Variants in RCL1 observed in about 807,000 individuals in gnomAD.
The protein encoded by RCL1 is RNA 3'-terminal phosphate cyclase-like protein.
A neutral mutation model predicts 42.4 loss-of-function variants in RCL1; 24 were observed. That is an observed-to-expected ratio of 0.57 (90% CI 0.41 to 0.80). The LOEUF (loss-of-function observed/expected upper bound fraction) is 0.80. Ranked by LOEUF, RCL1 falls within the 30% of genes least tolerant of loss-of-function variation. The probability of loss-of-function intolerance (pLI) is 0.00; values close to 1 mark genes in which losing one functional copy is unlikely to be tolerated. For synonymous variants in RCL1, 228 were observed against 177.3 expected (o/e 1.29, Z -2.27); for missense variants, 578 against 467.9 (o/e 1.24, Z -2.17).
chr9:4,823,281 ATTT>A (rs3038449), intron 1 of RCL1, among the ~76,000 whole-genome samples: 32,000 of 134,858 alleles, frequency 0.24, 4,110 homozygotes, highest in East Asian at 0.66. Context: ...TGGTGGAGCT[ATTT>A]TTTTTTTTTT....
intron 4 of RCL1, 127 bp downstream of exon 4, chr9:4,833,355 C>T (rs946690559): frequency 3.1e-5 from 22 of 715,012 alleles, no homozygotes; most frequent in Non-Finnish European, 5.1e-5. Flanking sequence ...AGAAGACTCA[C>T]AGGGCTCATG....
chr9:4,849,597 C>G, intron 8 of RCL1, 47 bp downstream of exon 8: 1 of 1,401,808 alleles, frequency 7.1e-7, no homozygotes. Context: ...GTGTAATTTT[C>G]TCATTGCCCA....
At chr9:4,841,470 GAATT>G (rs2129667009) in intron 6 of RCL1, 113 bp downstream of exon 6, 1 of 840,924 alleles carries the variant, frequency 1.2e-6, no homozygotes, top group Non-Finnish European at 1.9e-6. Context: ...AACAATTTCA[GAATT>G]AATTTCTTTC....
At position 4,841,302 on chromosome 9, in the gene RCL1, T is replaced by A; in HGVS notation, c.655T>A (p.Phe219Ile). The A allele has an allele frequency of 6.2e-7, 1 of 1,613,168 alleles. No homozygotes were observed. Among genetic ancestry groups the A allele is most frequent in the Non-Finnish European group, 8.5e-7 (1 of 1,179,144 alleles). ...VDSARSILNK[F>I]IPDIYIYTDH... Reference sequence around the variant, plus strand: ...TTCTGCAAGGAGCATCCTCAACAAGTTCATACCTGATATCTATATTTACAC... The same window carrying A: ...TTCTGCAAGGAGCATCCTCAACAAGATCATACCTGATATCTATATTTACAC... Residue 219 changes from phenylalanine to isoleucine, a missense_variant, in exon 6 of 9, where the codon TTC (phenylalanine) becomes ATC (isoleucine). Transcript: ENST00000381750.
intron 8 of RCL1, among the ~76,000 whole-genome samples, chr9:4,854,847 G>C (rs755842477): frequency 7.2e-5 from 11 of 151,894 alleles, no homozygotes; most frequent in African/African-American, 2.7e-4. Context: ...ACGAGGTCAG[G>C]AGTTCAAGAC....
chr9:4,838,587 T>TACAC (rs4008477), intron 5 of RCL1, among the ~76,000 whole-genome samples: 4 of 152,078 alleles, frequency 2.6e-5, no homozygotes, highest in African/African-American at 9.7e-5. Context: ...TACTGTAACA[T>TACAC]ACACACACAC....
At chr9:4,813,386 C>T (rs996215294) in intron 1 of RCL1, among the ~76,000 whole-genome samples, 54 of 152,218 alleles carry the variant, frequency 3.5e-4, no homozygotes, top group Admixed American at 1.7e-3. Flanking sequence ...AGGATATGAA[C>T]AGACACTTCT....
intron 7 of RCL1, 104 bp from the exon 8 acceptor site, chr9:4,849,343 T>C (rs1054046830): frequency 4.0e-5 from 31 of 777,222 alleles, no homozygotes; most frequent in Non-Finnish European, 5.9e-5. Flanking sequence ...GCTTGAACTT[T>C]GGATTTTGAT....
intron 1 of RCL1, among the ~76,000 whole-genome samples, chr9:4,806,457 A>T (rs756013564): frequency 6.6e-6 from 1 of 152,058 alleles, no homozygotes; most frequent in Non-Finnish European, 1.5e-5. Context: ...ATTTTGTCCA[A>T]TGCTTTTTCT....
intron 1 of RCL1, among the ~76,000 whole-genome samples, chr9:4,822,322 T>A (rs1816620882): frequency 6.6e-6 from 1 of 152,184 alleles, no homozygotes; most frequent in Non-Finnish European, 1.5e-5. Context: ...CACAGTGCCT[T>A]CAGTGGCAGA....
At chr9:4,834,405 G>T in intron 5 of RCL1, 140 bp downstream of exon 5, 2 of 827,916 alleles carry the variant, frequency 2.4e-6, no homozygotes, top group Non-Finnish European at 3.4e-6. Context: ...CAGTGAAATT[G>T]TAATTGCTGG....
chr9:4,837,511 G>T lies in RCL1; in HGVS notation c.584+3246G>T, dbSNP rs556700903. 3.3e-5 allele frequency among the ~76,000 whole-genome samples: 5 copies of T among 152,140 alleles called. No individual in the cohort carries two copies. In the South Asian group the frequency reaches 8.3e-4, roughly 25 times the overall value. On this transcript the variant is annotated intron_variant, in intron 5 of 8. Transcript: ENST00000381750. Reference sequence around the variant, plus strand: ...TGCTGTATTGGCGGCCGTGAACTTTGTTTGGAATCCAGTCTCTGTAGTCTG... The same window carrying T: ...TGCTGTATTGGCGGCCGTGAACTTTTTTTGGAATCCAGTCTCTGTAGTCTG...
chr9:4,853,573 G>C (rs758042271), intron 8 of RCL1, among the ~76,000 whole-genome samples: 1 of 151,884 alleles, frequency 6.6e-6, no homozygotes, highest in Non-Finnish European at 1.5e-5. Flanking sequence ...CACATGCTTC[G>C]GCCTCCCAAA....
At chr9:4,859,382 A>T (rs1423748480) in intron 8 of RCL1, among the ~76,000 whole-genome samples, 1 of 152,178 alleles carries the variant, frequency 6.6e-6, no homozygotes, top group Non-Finnish European at 1.5e-5. Context: ...TTCAGGAATA[A>T]AATTAATTTA....
At chr9:4,817,496 C>G (rs1044529252) in intron 1 of RCL1, among the ~76,000 whole-genome samples, 4 of 142,284 alleles carry the variant, frequency 2.8e-5, no homozygotes, top group African/African-American at 5.2e-5. Context: ...TTTTTTGAGA[C>G]AGGGTCTGGC....
intron 5 of RCL1, among the ~76,000 whole-genome samples, chr9:4,836,238 A>C (rs185710642): frequency 1.0e-3 from 153 of 152,134 alleles, no homozygotes; most frequent in African/African-American, 3.4e-3. Context: ...GGAGTAGAGA[A>C]CGTGGGAGGA....
intron 8 of RCL1, among the ~76,000 whole-genome samples, chr9:4,854,506 TGGA>T (rs1034077380): frequency 3.0e-4 from 46 of 152,194 alleles, no homozygotes; most frequent in African/African-American, 1.1e-3. Context: ...GGTGGCTTAG[TGGA>T]GGAGGACGCA....
intron 8 of RCL1, among the ~76,000 whole-genome samples, chr9:4,851,402 G>C (rs1294623110): frequency 6.6e-6 from 1 of 152,192 alleles, no homozygotes; most frequent in Admixed American, 6.5e-5. Flanking sequence ...ATAAAGACAG[G>C]TAAGGGAGTC....
intron 1 of RCL1, among the ~76,000 whole-genome samples, chr9:4,814,395 C>T (rs543913582): frequency 8.5e-5 from 13 of 152,092 alleles, no homozygotes; most frequent in African/African-American, 2.2e-4. Context: ...GCAATCTTTC[C>T]GGCCTGGTCT....
Sources: gnomAD v4.1 joint callset for allele counts (sites outside exome capture counted in the v4.1 genomes callset) on GRCh38, gnomAD v4.1.1 for gene constraint, MANE v1.5 for transcripts, NCBI Gene and HGNC (gene_info 2026-07-23, HGNC 2026-07-21) for gene names.